The following TRAPPC9 variants were observed in gnomAD, a reference collection of about 807,000 sequenced individuals.
The protein encoded by TRAPPC9 is IKK2 binding protein.
TRAPPC9 carries 83 observed loss-of-function variants against 124.0 expected under a neutral mutation model. That is an observed-to-expected ratio of 0.67 (90% CI 0.56 to 0.80). TRAPPC9 has a LOEUF of 0.80. TRAPPC9 is among the 30% of genes least tolerant of loss of function. TRAPPC9 has a pLI of 0.00. For synonymous variants in TRAPPC9, 638 were observed against 617.5 expected (o/e 1.03, Z -0.49); for missense variants, 1,302 against 1,508.3 (o/e 0.86, Z 2.27).
chr8:140,446,515 T>C lies in TRAPPC9; in HGVS notation c.584+4275A>G, dbSNP rs1275822732. On this transcript the variant is annotated intron_variant, in intron 2 of 22. Transcript: ENST00000438773. ...TCCCTGACACTTAAACAAATTGCCC[T>C]TGAGCCCTCATAAGGGGCGCAAAAG... 2.0e-5 allele frequency among the ~76,000 whole-genome samples: 3 copies of C among 152,126 alleles called. No homozygotes were observed. The East Asian group carries it at 5.8e-4, about 29-fold the overall frequency.
intron 16 of TRAPPC9, among the ~76,000 whole-genome samples, chr8:140,223,752 A>C (rs1420041748): frequency 2.0e-5 from 3 of 152,172 alleles, no homozygotes; most frequent in Non-Finnish European, 4.4e-5. Context: ...TAAAAAAAAA[A>C]AAACAAAAAC....
At chr8:139,755,701 T>G (rs13264522) in intron 21 of TRAPPC9, among the ~76,000 whole-genome samples, 282 of 22,194 alleles carry the variant, frequency 0.013, no homozygotes, top group Admixed American at 0.024. Context: ...TTGGGGATGA[T>G]GACAGCATGT....
At position 140,104,264 on chromosome 8, in the gene TRAPPC9, C is replaced by T. The variant is rs901954152; in HGVS notation, c.2557-80185G>A. On this transcript the variant is annotated intron_variant, in intron 17 of 22. Transcript: ENST00000438773. This position sits in a 1 kb window ranked among gnomAD's most constrained non-coding sequence, Gnocchi z 4.0. ...GGAGCCAGATGAAAGACCTCTGCAA[C>T]AGCCTGAACGGAACCAGGAGGGCTC... 6.6e-6 allele frequency among the ~76,000 whole-genome samples: 1 copy of T among 152,174 alleles called. No homozygotes were observed. Among genetic ancestry groups the T allele is most frequent in the Admixed American group, 6.5e-5 (1 of 15,282 alleles).
rs1253891859 is a variant in TRAPPC9 at position 140,087,826 on chromosome 8, T to G, written c.2557-63747A>C. 6.6e-6 allele frequency among the ~76,000 whole-genome samples: 1 copy of G among 152,134 alleles called. No homozygotes were observed. Among genetic ancestry groups the G allele is most frequent in the Non-Finnish European group, 1.5e-5 (1 of 68,038 alleles). ...CATGACGAGCAACCGCACCATTCCC[T>G]GGCTCTCTCCTGCAGCTTGTCGCCG... On this transcript the variant is annotated intron_variant, in intron 17 of 22. Transcript: ENST00000438773. This position sits in a 1 kb window ranked among gnomAD's most constrained non-coding sequence, Gnocchi z 4.6.
chr8:140,373,982 A>G (rs986898279), intron 7 of TRAPPC9, among the ~76,000 whole-genome samples: 2 of 152,154 alleles, frequency 1.3e-5, no homozygotes, highest in African/African-American at 2.4e-5. Flanking sequence ...TTATTTCCCT[A>G]AGGGAGTGTT....
intron 14 of TRAPPC9, among the ~76,000 whole-genome samples, chr8:140,280,936 G>A (rs565451627): frequency 2.4e-4 from 37 of 152,306 alleles, no homozygotes; most frequent in Admixed American, 6.5e-4. Flanking sequence ...TCAGCAGCTC[G>A]CCTCTGAGGC....
chr8:140,222,964 C>G (rs1254778852), intron 16 of TRAPPC9, among the ~76,000 whole-genome samples: 1 of 152,234 alleles, frequency 6.6e-6, no homozygotes, highest in Non-Finnish European at 1.5e-5. Flanking sequence ...AAGATGTGGA[C>G]TCACATCAGT....
At chr8:140,245,963 C>T (rs1233589377) in intron 16 of TRAPPC9, among the ~76,000 whole-genome samples, 1 of 152,180 alleles carries the variant, frequency 6.6e-6, no homozygotes, top group Non-Finnish European at 1.5e-5. Context: ...CCATTGTTAG[C>T]CCAAATACTT....
chr8:140,336,312 T>G (rs1008833722), intron 9 of TRAPPC9, among the ~76,000 whole-genome samples: 5 of 152,138 alleles, frequency 3.3e-5, no homozygotes, highest in Non-Finnish European at 2.9e-5. Flanking sequence ...CTGTGTATAG[T>G]CTGTGGCTGC....
At position 140,421,069 on chromosome 8, in the gene TRAPPC9, T is replaced by C. The variant is rs530369821; in HGVS notation, c.886+5546A>G. Among the ~76,000 whole-genome samples the C allele has an allele frequency of 2.6e-5, 4 of 152,204 alleles. No individual in the cohort carries two copies. In the East Asian group the frequency reaches 5.8e-4, roughly 22 times the overall value. ...CAGCTCCTGTAATTCAGATATTAAC[T>C]CAATATAATGGAAGGAAACCTTTCC... On this transcript the variant is annotated intron_variant, in intron 5 of 22. Transcript: ENST00000438773.
intron 20 of TRAPPC9, among the ~76,000 whole-genome samples, chr8:139,908,066 A>G (rs146145803): frequency 6.6e-6 from 1 of 152,304 alleles, no homozygotes; most frequent in East Asian, 1.9e-4. Flanking sequence ...AGCAGCTCTG[A>G]CACTAGCAGG....
chr8:140,300,074 A>G (rs2065921580), intron 11 of TRAPPC9, among the ~76,000 whole-genome samples: 1 of 152,202 alleles, frequency 6.6e-6, no homozygotes, highest in African/African-American at 2.4e-5. Context: ...CTTTCACAAA[A>G]TTACCTTATA....
At chr8:140,083,635 G>T (rs192147458) in intron 17 of TRAPPC9, among the ~76,000 whole-genome samples, 2 of 150,802 alleles carry the variant, frequency 1.3e-5, no homozygotes, top group African/African-American at 4.9e-5. Context: ...ACCCACAGAA[G>T]GGTTTGGTGT....
intron 21 of TRAPPC9, among the ~76,000 whole-genome samples, chr8:139,869,153 G>T (rs988259087): frequency 6.6e-6 from 1 of 152,130 alleles, no homozygotes; most frequent in African/African-American, 2.4e-5. Flanking sequence ...GAATTAAAAA[G>T]ACTTTGAAGT....
At chr8:140,055,320 C>G (rs935409954) in intron 17 of TRAPPC9, among the ~76,000 whole-genome samples, 1 of 152,114 alleles carries the variant, frequency 6.6e-6, no homozygotes, top group African/African-American at 2.4e-5. Context: ...ATTCAACACC[C>G]TTTCATAACA....
intron 15 of TRAPPC9, among the ~76,000 whole-genome samples, chr8:140,272,045 T>G (rs1378972985): frequency 3.8e-5 from 5 of 133,254 alleles, no homozygotes; most frequent in East Asian, 2.1e-4. Flanking sequence ...TGGTGGTGGT[T>G]GTGGTGGTTA....
chr8:140,400,528 G>A (rs1470298931), intron 6 of TRAPPC9, among the ~76,000 whole-genome samples: 2 of 152,178 alleles, frequency 1.3e-5, no homozygotes, highest in African/African-American at 2.4e-5. Context: ...TGTGCTCAAT[G>A]CTTTCTGACT....
chr8:139,954,095 G>A (rs183149629), intron 19 of TRAPPC9, among the ~76,000 whole-genome samples: 2 of 152,174 alleles, frequency 1.3e-5, no homozygotes, highest in Admixed American at 6.5e-5. Flanking sequence ...TATCTGCAGC[G>A]ACAGGGAGTA....
At position 140,450,809 on chromosome 8, in the gene TRAPPC9, C is replaced by T; in HGVS notation, c.565G>A (p.Gly189Arg). 1.2e-6 allele frequency: 2 copies of T among 1,610,272 alleles called. No individual in the cohort carries two copies. Among genetic ancestry groups the T allele is most frequent in the Non-Finnish European group, 1.7e-6 (2 of 1,178,168 alleles). The change falls in exon 2 of 23, where the codon GGA becomes AGA. Residue 189 changes from glycine to arginine, a missense_variant. Around this residue, in one of 3 missense-constraint regions of TRAPPC9, gnomAD observed 657 missense variants for 811.2 expected, o/e 0.81. Transcript: ENST00000438773. The stretch of plus-strand genomic sequence containing the variant: ...GCTTACCTGCTGTCTGTGTCCAGTC[C>T]TACAAAGTCCTTTTTCTCAAACGGG... ...CVPFEKKDFV[G>R]LDTDSRHYKK... is the part of the protein sequence containing the mutation.
Sources: gnomAD v4.1 joint callset for allele counts (sites outside exome capture counted in the v4.1 genomes callset) on GRCh38, gnomAD v4.1.1 for gene constraint, gnomAD v4.1.1 regional missense constraint, Gnocchi (gnomAD v3.1) non-coding constraint, MANE v1.5 for transcripts, NCBI Gene and HGNC (gene_info 2026-07-23, HGNC 2026-07-21) for gene names.